The following ADGRL2 variants were observed in gnomAD, a reference collection of about 807,000 sequenced individuals.
The protein encoded by ADGRL2 is adhesion G protein-coupled receptor L2.
In ADGRL2, 44 loss-of-function variants were observed where a neutral mutation model predicts 157.4. The observed-to-expected ratio is 0.28, with a 90% CI of 0.22 to 0.36. The LOEUF is 0.36. Among genes scored for constraint, ADGRL2 ranks in the 10% least tolerant of loss-of-function variants. The pLI, the probability that ADGRL2 is intolerant of heterozygous loss-of-function variation, is 1.00. For synonymous variants in ADGRL2, 585 were observed against 624.7 expected, an observed-to-expected ratio of 0.94 and a Z score of 0.95; for missense variants, 1,510 against 1,768.9, an observed-to-expected ratio of 0.85 and a Z score of 2.63.
chr1:81,753,224 G>A (rs2085547394), intron 1 of ADGRL2, among the ~76,000 whole-genome samples: 1 of 152,150 alleles, frequency 6.6e-6, no homozygotes, highest in African/African-American at 2.4e-5. Flanking sequence ...GGCTGGGGAG[G>A]CCTCACAATC....
At chr1:81,342,217 T>C (rs1662123478) in intron 1 of ADGRL2, among the ~76,000 whole-genome samples, 1 of 152,190 alleles carries the variant, frequency 6.6e-6, no homozygotes, top group Non-Finnish European at 1.5e-5. Context: ...AAGATTATTG[T>C]CATAAATGCC....
intron 2 of ADGRL2, among the ~76,000 whole-genome samples, chr1:81,906,174 G>A (rs2094581411): frequency 1.3e-5 from 2 of 152,052 alleles, no homozygotes. Flanking sequence ...ACCAAGTTTG[G>A]GGTTTGCCAC....
chr1:81,908,869 T>C (rs2094643580), intron 3 of ADGRL2, among the ~76,000 whole-genome samples: 1 of 110,630 alleles, frequency 9.0e-6, no homozygotes, highest in Admixed American at 1.0e-4. Flanking sequence ...GTACATCTTT[T>C]TTTTCTTTCT....
chr1:81,955,864 C>T lies in ADGRL2; in HGVS notation c.1834-13C>T. 6.5e-7 allele frequency: 1 copy of T among 1,530,198 alleles called. No individual in the cohort carries two copies. Among genetic ancestry groups the T allele is most frequent in the East Asian group, 2.4e-5 (1 of 42,048 alleles). The allele number at this position is 1,530,198 out of a possible 1,614,324, so 94.8% of individuals were successfully genotyped here. ...AGCGGTCAAAACTAATGATAGTTTT[C>T]TAATGGATACAGGCAATTGTTGACA... On this transcript the variant is annotated splice_polypyrimidine_tract_variant and intron_variant, in intron 10 of 23. Coordinates refer to ENST00000686636, the MANE Select transcript of ADGRL2 (RefSeq NM_001366006.2).
At chr1:81,791,457 T>C (rs1347301066) in intron 2 of ADGRL2, among the ~76,000 whole-genome samples, 1 of 152,128 alleles carries the variant, frequency 6.6e-6, no homozygotes, top group Non-Finnish European at 1.5e-5. Flanking sequence ...CACATTGAGA[T>C]ACCATTATGT....
chr1:81,859,689 T>C (rs1400077509), intron 2 of ADGRL2, among the ~76,000 whole-genome samples: 1 of 152,156 alleles, frequency 6.6e-6, no homozygotes, highest in Admixed American at 6.5e-5. Flanking sequence ...ATTACAGGCA[T>C]GTGTCACCGT....
At chr1:81,377,864 A>G (rs761834720) in intron 1 of ADGRL2, among the ~76,000 whole-genome samples, 6 of 152,352 alleles carry the variant, frequency 3.9e-5, no homozygotes, top group South Asian at 2.1e-4. Context: ...TTTTAAAATC[A>G]TAATAATAAT....
chr1:81,886,435 G>T (rs987648460), intron 2 of ADGRL2, among the ~76,000 whole-genome samples: 8 of 152,294 alleles, frequency 5.3e-5, no homozygotes, highest in Admixed American at 2.6e-4. Flanking sequence ...TTCCCAAAGT[G>T]CTGGGATTAC....
chr1:81,667,275 A>G (rs986512343), intron 3 of ADGRL2, among the ~76,000 whole-genome samples: 1 of 152,218 alleles, frequency 6.6e-6, no homozygotes, highest in African/African-American at 2.4e-5. Context: ...CCACACAACA[A>G]GAGAACAATT....
intron 1 of ADGRL2, chr1:81,722,251 C>T (rs1478581151): frequency 4.8e-6 from 2 of 412,734 alleles, no homozygotes; most frequent in South Asian, 2.1e-5. Flanking sequence ...GGAGATCGCG[C>T]CACTGCACTC....
intron 3 of ADGRL2, among the ~76,000 whole-genome samples, chr1:81,584,234 C>A (rs967028788): frequency 5.9e-5 from 9 of 152,130 alleles, no homozygotes; most frequent in Non-Finnish European, 4.4e-5. Flanking sequence ...TCACTTCACA[C>A]ATCTCTTGTC....
intron 1 of ADGRL2, among the ~76,000 whole-genome samples, chr1:81,701,383 T>A (rs576278329): frequency 7.9e-5 from 12 of 152,264 alleles, no homozygotes; most frequent in Admixed American, 2.6e-4. Context: ...TATGATTAAA[T>A]CCCATGGAGG....
At chr1:81,892,992 T>G (rs1350756048) in intron 2 of ADGRL2, among the ~76,000 whole-genome samples, 2 of 152,132 alleles carry the variant, frequency 1.3e-5, no homozygotes, top group Admixed American at 1.3e-4. Context: ...GAAACTGAAG[T>G]TCATTTGTAA....
At chr1:81,533,685 T>C (rs1348209745) in intron 2 of ADGRL2, among the ~76,000 whole-genome samples, 1 of 152,236 alleles carries the variant, frequency 6.6e-6, no homozygotes, top group African/African-American at 2.4e-5. Context: ...ATCAGCTACA[T>C]GCATTGAAAG....
At chr1:81,676,158 T>A (rs2082984260) in intron 3 of ADGRL2, among the ~76,000 whole-genome samples, 1 of 152,048 alleles carries the variant, frequency 6.6e-6, no homozygotes. Flanking sequence ...CCCGCCACCA[T>A]GCCACCATGC....
chr1:81,332,104 A>G (rs1392355609), intron 1 of ADGRL2, among the ~76,000 whole-genome samples: 3 of 152,154 alleles, frequency 2.0e-5, no homozygotes, highest in South Asian at 2.1e-4. Flanking sequence ...TGCTTATGCT[A>G]TAGATGTCAT....
intron 1 of ADGRL2, among the ~76,000 whole-genome samples, chr1:81,805,336 GAAT>G (rs1300601643): frequency 6.6e-6 from 1 of 151,978 alleles, no homozygotes; most frequent in Non-Finnish European, 1.5e-5. Context: ...TTTGACTTAA[GAAT>G]TTACAAAACT....
rs1428915034 is a variant in ADGRL2 at position 81,541,748 on chromosome 1, G to C, written c.-247-39128G>C. Among the ~76,000 whole-genome samples the C allele has an allele frequency of 4.6e-5, 7 of 151,114 alleles. No individual in the cohort carries two copies. The South Asian group carries it at 1.3e-3, about 27-fold the overall frequency. On this transcript the variant is annotated intron_variant, in intron 2 of 24. Coordinates refer to the ADGRL2 transcript ENST00000370721. ...GCAGATCACCTGAGGTCAGGAGTTG[G>C]AGAACAGCCTGACCAACATGGAGAA...
chr1:81,421,599 T>C (rs1313404004), intron 1 of ADGRL2, among the ~76,000 whole-genome samples: 2 of 152,218 alleles, frequency 1.3e-5, no homozygotes, highest in Non-Finnish European at 2.9e-5. Flanking sequence ...GGATCTGTCT[T>C]GCCCACGTGA....
Sources: gnomAD v4.1 joint callset for allele counts (sites outside exome capture counted in the v4.1 genomes callset) on GRCh38, gnomAD v4.1.1 for gene constraint, MANE v1.5 for transcripts, NCBI Gene and HGNC (gene_info 2026-07-23, HGNC 2026-07-21) for gene names.